Variants in PDE1B observed in about 807,000 individuals in gnomAD.
PDE1B encodes dual specificity calcium/calmodulin-dependent 3',5'-cyclic nucleotide phosphodiesterase 1B.
A neutral mutation model predicts 66.7 loss-of-function variants in PDE1B; 13 were observed. The observed-to-expected ratio is 0.19, with a 90% CI of 0.13 to 0.31. PDE1B has a LOEUF of 0.31. PDE1B is among the 10% of genes least tolerant of loss of function. PDE1B has a pLI of 1.00. For missense variants in PDE1B, 485 were observed against 682.3 expected (o/e 0.71, Z 3.22); for synonymous variants, 230 against 253.9 (o/e 0.91, Z 0.90).
At chr12:54,568,445 A>C (rs1957554797) in intron 3 of PDE1B, among the ~76,000 whole-genome samples, 1 of 150,142 alleles carries the variant, frequency 6.7e-6, no homozygotes, top group South Asian at 2.1e-4. Context: ...TCTGGGCGAT[A>C]AAGTGAGACC....
rs560380563 is a variant in PDE1B at position 54,567,202 on chromosome 12, G to A, written c.227+115G>A. The A allele has an allele frequency of 6.9e-6, 4 of 582,740 alleles. No homozygotes were observed. The East Asian group carries it at 9.4e-5, about 14-fold the overall frequency. The allele number at this position is 582,740 out of a possible 1,614,324, so 36.1% of individuals were successfully genotyped here. A position where few individuals can be genotyped will look rare whatever the true frequency, so the allele number is the denominator to read the frequency against. On this transcript the variant is annotated intron_variant, in intron 3 of 15. Coordinates refer to ENST00000243052, the MANE Select transcript of PDE1B (RefSeq NM_000924.4). ...ATGGACAGAGACCGGAAGAAAGAGAGAGGGTGGACCAGATATAAAGAGCTC... is the reference window on the plus strand; with the variant it reads ...ATGGACAGAGACCGGAAGAAAGAGAAAGGGTGGACCAGATATAAAGAGCTC...
chr12:54,577,024 AG>A, intron 14 of PDE1B, 200 bp from the exon 15 acceptor site: 1 of 613,556 alleles, frequency 1.6e-6, no homozygotes, highest in Non-Finnish European at 2.9e-6. Flanking sequence ...TTCCTGTGTG[AG>A]GGGGTGGTAG....
In PDE1B at chr12:54,575,089, C is replaced by A; in HGVS notation, c.1065-9C>A. ...CAGTCTCCCTTCCCTTGCCATCTGC[C>A]CCAACCAGGATTGACAAGCCCAAGG... On this transcript the variant is annotated splice_polypyrimidine_tract_variant and intron_variant, in intron 10 of 15. Coordinates refer to ENST00000243052, the MANE Select transcript of PDE1B (RefSeq NM_000924.4). The surrounding 1 kb of genome is among the most constrained non-coding windows in gnomAD (Gnocchi z 4.0). The A allele has an allele frequency of 6.2e-7, 1 of 1,613,414 alleles. No individual in the cohort carries two copies. Among genetic ancestry groups the A allele is most frequent in the Non-Finnish European group, 8.5e-7 (1 of 1,179,580 alleles).
rs1390015320 is a variant in PDE1B, at chr12:54,577,240, T to C, written c.1523T>C (p.Met508Thr). Reference sequence around the variant, plus strand: ...TCCTCTACAGGCATCACCAACCAGATGTCCATTGACGAGCTGTCCCCCTGT... The same window carrying C: ...TCCTCTACAGGCATCACCAACCAGACGTCCATTGACGAGCTGTCCCCCTGT... ...ERAASGITNQ[M>T]SIDELSPCEE... is the part of the protein sequence containing the mutation. The change falls in exon 15 of 16, where the codon ATG becomes ACG. Residue 508 changes from methionine to threonine, a missense_variant. Transcript: ENST00000243052. The C allele has an allele frequency of 1.2e-6, 2 of 1,613,970 alleles. No homozygotes were observed. Among genetic ancestry groups the C allele is most frequent in the Middle Eastern group, 1.7e-4 (1 of 6,058 alleles).
At chr12:54,577,146 C>T (rs1957769870) in intron 14 of PDE1B, 79 bp from the exon 15 acceptor site, 20 of 1,181,326 alleles carry the variant, frequency 1.7e-5, no homozygotes, top group Non-Finnish European at 2.3e-5. Context: ...GAATCCCTTA[C>T]ATGTCTCCAC....
At chr12:54,550,016 G>A (rs1957252559) in intron 2 of PDE1B, 31 bp downstream of exon 2, 3 of 1,608,894 alleles carry the variant, frequency 1.9e-6, no homozygotes, top group Non-Finnish European at 2.5e-6. Context: ...TGGGGGGAAG[G>A]GACCTTAGGG....
intron 2 of PDE1B, among the ~76,000 whole-genome samples, chr12:54,550,390 G>A (rs1364592883): frequency 2.6e-5 from 4 of 152,238 alleles, no homozygotes; most frequent in Non-Finnish European, 5.9e-5. Flanking sequence ...GTGAGCGTGG[G>A]TCACAGAGGT....
chr12:54,567,537 T>A (rs1375135492), intron 3 of PDE1B, among the ~76,000 whole-genome samples: 4 of 149,038 alleles, frequency 2.7e-5, no homozygotes, highest in African/African-American at 5.0e-5. Context: ...ATAAAAAAAA[T>A]AAAAAAAGAG....
intron 2 of PDE1B, among the ~76,000 whole-genome samples, chr12:54,557,766 G>A (rs779611626): frequency 6.6e-6 from 1 of 152,218 alleles, no homozygotes; most frequent in Non-Finnish European, 1.5e-5. Flanking sequence ...AGTTTGGAGG[G>A]CTGGTGGGGT....
At position 54,573,803 on chromosome 12, in the gene PDE1B, T is replaced by C; in HGVS notation, c.1064+94T>C. The C allele has an allele frequency of 2.3e-6, 2 of 860,956 alleles. No homozygotes were observed. The highest frequency in any genetic ancestry group is 3.9e-6 in the Non-Finnish European group (2 of 507,804). 53.3% of individuals were successfully genotyped at this position (860,956 alleles called of 1,614,324 possible). On this transcript the variant is annotated intron_variant, in intron 10 of 15. Transcript: ENST00000243052. This position sits in a 1 kb window ranked among gnomAD's most constrained non-coding sequence, Gnocchi z 5.2. Reference sequence around the variant, plus strand: ...CAAGGGTAGTTGGTGTGCCAGGTCTTTACCTCGCTGTAGAGACTCCACTGG... The same window carrying C: ...CAAGGGTAGTTGGTGTGCCAGGTCTCTACCTCGCTGTAGAGACTCCACTGG...
Position 54,573,766 on chromosome 12 carries a change from G to T in PDE1B, c.1064+57G>T. On this transcript the variant is annotated intron_variant, in intron 10 of 15. Coordinates refer to ENST00000243052, the MANE Select transcript of PDE1B (RefSeq NM_000924.4). The surrounding 1 kb of genome is among the most constrained non-coding windows in gnomAD (Gnocchi z 5.2). ...GCCAGAGGGAGGGGTGTGTGAACTG[G>T]GGGGGTATACACAAGGGTAGTTGGT... is the stretch of plus-strand genomic sequence containing the variant. 4.0e-6 allele frequency: 5 copies of T among 1,265,108 alleles called. No homozygotes were observed. Among genetic ancestry groups the T allele is most frequent in the Non-Finnish European group, 5.8e-6 (5 of 864,978 alleles). The allele number at this position is 1,265,108 out of a possible 1,614,324, so 78.4% of individuals were successfully genotyped here.
chr12:54,557,248 T>C (rs947041380), intron 2 of PDE1B, among the ~76,000 whole-genome samples: 17 of 152,248 alleles, frequency 1.1e-4, no homozygotes, highest in African/African-American at 4.1e-4. Context: ...CCCCTTCTGC[T>C]CTTCTTTGAA....
At chr12:54,567,340 CA>C (rs36106145) in intron 3 of PDE1B, among the ~76,000 whole-genome samples, 2,480 of 132,730 alleles carry the variant, frequency 0.019, 63 homozygotes, top group African/African-American at 0.06. Flanking sequence ...CCTGTCTCTA[CA>C]AAAAAAAAAA....
intron 2 of PDE1B, among the ~76,000 whole-genome samples, chr12:54,559,206 C>CCCT (rs1957374774): frequency 6.6e-6 from 1 of 151,660 alleles, no homozygotes; most frequent in African/African-American, 2.4e-5. Flanking sequence ...GAATCCCTTC[C>CCCT]CGAGCACCCA....
intron 2 of PDE1B, 191 bp downstream of exon 2, chr12:54,550,176 C>T: frequency 7.1e-7 from 1 of 1,414,144 alleles, no homozygotes; most frequent in African/African-American, 1.4e-5. Context: ...AGCAAGCTGG[C>T]CAGTTGGAGC....
chr12:54,563,343 G>C (rs1957453698), intron 2 of PDE1B, among the ~76,000 whole-genome samples: 1 of 152,242 alleles, frequency 6.6e-6, no homozygotes, highest in South Asian at 2.1e-4. Context: ...ACACGGTTAG[G>C]TTCCATTAGC....
chr12:54,566,662 T>C (rs889456482), intron 2 of PDE1B, among the ~76,000 whole-genome samples: 1 of 152,200 alleles, frequency 6.6e-6, no homozygotes, highest in Admixed American at 6.5e-5. Context: ...CTAATTCTGC[T>C]GGGCCCTGGC....
chr12:54,555,535 A>G (rs1017322204), intron 2 of PDE1B, among the ~76,000 whole-genome samples: 2 of 152,162 alleles, frequency 1.3e-5, no homozygotes, highest in Non-Finnish European at 2.9e-5. Flanking sequence ...ACATCTATAT[A>G]ACTACACCCT....
chr12:54,578,428 A>G lies in PDE1B; in HGVS notation c.*586A>G, dbSNP rs1957805995. 6.6e-6 allele frequency: 1 copy of G among 151,982 alleles called. No homozygotes were observed. Among genetic ancestry groups the G allele is most frequent in the Non-Finnish European group, 1.5e-5 (1 of 68,020 alleles). 9.4% of individuals were successfully genotyped at this position (151,982 alleles called of 1,614,324 possible). A position where few individuals can be genotyped will look rare whatever the true frequency, so the allele number is the denominator to read the frequency against. On this transcript the variant is annotated 3_prime_UTR_variant, in exon 16 of 16. Transcript: ENST00000243052. ...TCTAGGACCTGGGAATGGGGTGGAGAGGACATCCTCTTCACCCCAGAATTG... is the reference window on the plus strand; with the variant it reads ...TCTAGGACCTGGGAATGGGGTGGAGGGGACATCCTCTTCACCCCAGAATTG...
Sources: gnomAD v4.1 joint callset for allele counts (sites outside exome capture counted in the v4.1 genomes callset) on GRCh38, gnomAD v4.1.1 for gene constraint, Gnocchi (gnomAD v3.1) non-coding constraint, MANE v1.5 for transcripts, NCBI Gene and HGNC (gene_info 2026-07-23, HGNC 2026-07-21) for gene names.